WDR7: variants seen among roughly 807,000 people sequenced by gnomAD.
The protein encoded by WDR7 is WD repeat domain 7.
WDR7 carries 46 observed loss-of-function variants against 169.4 expected under a neutral mutation model. That is an observed-to-expected ratio of 0.27 (90% CI 0.21 to 0.35). WDR7 has a LOEUF of 0.35. Ranked by LOEUF, WDR7 falls within the 10% of genes least tolerant of loss-of-function variation. The pLI, the probability that WDR7 is intolerant of heterozygous loss-of-function variation, is 1.00. For missense variants in WDR7, 1,534 were observed against 1,859.3 expected, an observed-to-expected ratio of 0.83 and a Z score of 3.22; for synonymous variants, 612 against 666.8, an observed-to-expected ratio of 0.92 and a Z score of 1.27.
intron 13 of WDR7, 74 bp from the exon 14 acceptor site, chr18:56,731,309 C>T: frequency 6.7e-7 from 1 of 1,495,642 alleles, no homozygotes; most frequent in Non-Finnish European, 9.0e-7. Context: ...AATTTTCATA[C>T]CATTTTTTCT....
chr18:56,841,591 C>G (rs945029864), intron 20 of WDR7, among the ~76,000 whole-genome samples: 15 of 151,026 alleles, frequency 9.9e-5, no homozygotes, highest in Non-Finnish European at 1.5e-4. Flanking sequence ...TTGTCATGTA[C>G]GTAATGTAGA....
rs553416570 is a variant in WDR7 at position 56,839,240 on chromosome 18, A to G, written c.3304+23096A>G. Among the ~76,000 whole-genome samples, 4 of 152,282 alleles carry G rather than the reference A, an allele frequency of 2.6e-5. No individual in the cohort carries two copies. In the South Asian group the frequency reaches 6.2e-4, roughly 24 times the overall value. Reference sequence around the variant, plus strand: ...ATCAGGGTCTGCATAAATTATTTGTATTATGGAAATTTGCAAGCACACACA... The same window carrying G: ...ATCAGGGTCTGCATAAATTATTTGTGTTATGGAAATTTGCAAGCACACACA... On this transcript the variant is annotated intron_variant, in intron 20 of 27. Transcript: ENST00000254442.
intron 21 of WDR7, among the ~76,000 whole-genome samples, chr18:56,902,808 C>T (rs572740521): frequency 6.6e-6 from 1 of 152,304 alleles, no homozygotes; most frequent in Admixed American, 6.5e-5. Context: ...TAATGAGTGA[C>T]TTATGACTCA....
chr18:56,788,882 T>C (rs2044442945), intron 19 of WDR7, among the ~76,000 whole-genome samples: 1 of 152,208 alleles, frequency 6.6e-6, no homozygotes, highest in Non-Finnish European at 1.5e-5. Flanking sequence ...GTGATATATA[T>C]GAAAACTACT....
At chr18:56,967,907 T>C (rs1037810584) in intron 26 of WDR7, among the ~76,000 whole-genome samples, 5 of 152,168 alleles carry the variant, frequency 3.3e-5, no homozygotes, top group African/African-American at 1.2e-4. Context: ...ACTGTATTGG[T>C]TAGGGAATAA....
chr18:56,665,817 T>C (rs2025008188), intron 1 of WDR7, among the ~76,000 whole-genome samples: 1 of 152,022 alleles, frequency 6.6e-6, no homozygotes, highest in African/African-American at 2.4e-5. Flanking sequence ...TATTAGGGAG[T>C]GCTCTTGGGA....
At chr18:56,948,730 A>G (rs1446714517) in intron 25 of WDR7, among the ~76,000 whole-genome samples, 4 of 152,168 alleles carry the variant, frequency 2.6e-5, no homozygotes, top group African/African-American at 9.7e-5. Context: ...TTGTGCTGAC[A>G]ATCAGACCAA....
chr18:56,873,714 T>C (rs2045984256), intron 20 of WDR7: 1 of 152,304 alleles, frequency 6.6e-6, no homozygotes, highest in Admixed American at 6.5e-5. Context: ...CTTCAGTACA[T>C]TAGAATAGAA....
At chr18:56,764,033 T>G (rs900989400) in intron 16 of WDR7, among the ~76,000 whole-genome samples, 1 of 151,902 alleles carries the variant, frequency 6.6e-6, no homozygotes, top group Non-Finnish European at 1.5e-5. Context: ...CTATTATTTT[T>G]CTATTTCACT....
At chr18:56,991,979 CTAAT>C (rs1374674233) in intron 26 of WDR7, among the ~76,000 whole-genome samples, 1 of 152,156 alleles carries the variant, frequency 6.6e-6, no homozygotes, top group Non-Finnish European at 1.5e-5. Flanking sequence ...ATTTCTTCTT[CTAAT>C]TAATCATATT....
intron 16 of WDR7, among the ~76,000 whole-genome samples, chr18:56,769,562 C>G (rs2044121206): frequency 6.6e-6 from 1 of 152,140 alleles, no homozygotes; most frequent in Non-Finnish European, 1.5e-5. Context: ...AGTCTCTGGT[C>G]TGTGTCTCTA....
chr18:56,891,777 A>G (rs2046267105), intron 21 of WDR7, among the ~76,000 whole-genome samples: 1 of 152,020 alleles, frequency 6.6e-6, no homozygotes, highest in Non-Finnish European at 1.5e-5. Context: ...TTCTCAGAGG[A>G]TTTGTGTAAA....
At chr18:56,830,275 T>C (rs747043081) in intron 20 of WDR7, among the ~76,000 whole-genome samples, 3 of 152,234 alleles carry the variant, frequency 2.0e-5, no homozygotes, top group Non-Finnish European at 4.4e-5. Context: ...TATACTCTTA[T>C]GGGTTTTCAC....
At chr18:56,696,545 T>C in intron 12 of WDR7, 83 bp downstream of exon 12, 1 of 1,144,284 alleles carries the variant, frequency 8.7e-7, no homozygotes, top group Non-Finnish European at 1.2e-6. Flanking sequence ...GAATCTAGAC[T>C]AACTTAAAGG....
chr18:56,681,773 A>G (rs1437843761), intron 4 of WDR7, among the ~76,000 whole-genome samples: 20 of 152,188 alleles, frequency 1.3e-4, no homozygotes, highest in Admixed American at 1.3e-3. Context: ...TACTTTTTGG[A>G]CCATATCTTT....
intron 14 of WDR7, among the ~76,000 whole-genome samples, chr18:56,751,691 T>A (rs1379293331): frequency 6.6e-6 from 1 of 152,232 alleles, no homozygotes; most frequent in Non-Finnish European, 1.5e-5. Context: ...TTATTAATAA[T>A]AATTTTTGTA....
At chr18:56,882,368 G>A (rs2046121109) in intron 21 of WDR7, among the ~76,000 whole-genome samples, 3 of 152,224 alleles carry the variant, frequency 2.0e-5, no homozygotes, top group Non-Finnish European at 4.4e-5. Context: ...CCCTGAGAGT[G>A]TCAAGAAATG....
intron 21 of WDR7, among the ~76,000 whole-genome samples, chr18:56,919,053 T>C (rs369812830): frequency 6.6e-6 from 1 of 152,178 alleles, no homozygotes; most frequent in Admixed American, 6.5e-5. Flanking sequence ...ATTTGCTATA[T>C]TAAAAGGAAA....
intron 25 of WDR7, among the ~76,000 whole-genome samples, chr18:56,942,660 A>G (rs960955654): frequency 1.3e-5 from 2 of 152,228 alleles, no homozygotes; most frequent in African/African-American, 2.4e-5. Flanking sequence ...CCATAGAAAC[A>G]TAACTATTTA....
Sources: gnomAD v4.1 joint callset for allele counts (sites outside exome capture counted in the v4.1 genomes callset) on GRCh38, gnomAD v4.1.1 for gene constraint, MANE v1.5 for transcripts, NCBI Gene and HGNC (gene_info 2026-07-23, HGNC 2026-07-21) for gene names.